Variants in KRT6B observed in about 807,000 individuals in gnomAD.
The protein encoded by KRT6B is keratin 6B, also known as keratin, type II cytoskeletal 6B.
Under a neutral mutation model 44.7 loss-of-function variants are expected in KRT6B, and 29 were observed. The ratio of observed to expected loss-of-function variants is 0.65; its 90% CI spans 0.48 to 0.88. KRT6B has a LOEUF of 0.88. Among genes scored for constraint, KRT6B ranks in the 40% least tolerant of loss-of-function variants. The probability of loss-of-function intolerance (pLI) is 0.00; values close to 1 mark genes in which losing one functional copy is unlikely to be tolerated. For synonymous variants in KRT6B, 213 were observed against 296.0 expected, an observed-to-expected ratio of 0.72 and a Z score of 2.88; for missense variants, 600 against 724.0, an observed-to-expected ratio of 0.83 and a Z score of 1.97.
In KRT6B at chr12:52,447,383, C is replaced by T. The variant is rs1440135830; in HGVS notation, c.1502G>A (p.Ser501Asn). The T allele has an allele frequency of 1.2e-6, 2 of 1,613,916 alleles. No individual in the cohort carries two copies. Among genetic ancestry groups the T allele is most frequent in the Non-Finnish European group, 1.7e-6 (2 of 1,179,868 alleles). ...STVSSGYGGA[S>N]GVGSGLGLGG... ...CAGGCCTAAGCCACTGCCGACACCG[C>T]TGGCACCGCCATAGCCACTGGAGAC... Residue 501 changes from serine (S) to asparagine (N), a missense_variant, in exon 9 of 9, where the codon AGC becomes AAC. This residue lies in a region of KRT6B where 479 missense variants were observed against 454.2 expected (regional missense o/e 1.05). Coordinates refer to ENST00000252252, the MANE Select transcript of KRT6B (RefSeq NM_005555.4).
At chr12:52,450,341 A>G in intron 2 of KRT6B, 65 bp downstream of exon 2, 1 of 1,569,294 alleles carries the variant, frequency 6.4e-7, no homozygotes, top group Non-Finnish European at 8.8e-7. Context: ...TAGGAATCCT[A>G]CACACATCTG....
chr12:52,451,790 C>T lies in KRT6B; in HGVS notation c.289G>A (p.Gly97Arg), dbSNP rs144860693. 0.19 allele frequency: 300,389 copies of T among 1,601,476 alleles called. 37 individuals carry two copies. Among genetic ancestry groups the T allele is most frequent in the Admixed American group, 0.26 (15,676 of 59,350 alleles). The change falls in exon 1 of 9, where the codon GGG becomes AGG. Residue 97 changes from glycine to arginine, a missense_variant. Transcript: ENST00000252252. ...CCACCACCGAAACCAAATCCACTCCCGGCGCCACCAAAGCCATAGCTGCCT... is the reference window on the plus strand; with the variant it reads ...CCACCACCGAAACCAAATCCACTCCTGGCGCCACCAAAGCCATAGCTGCCT... ...AGGSYGFGGA[G>R]SGFGFGGGAG...
In KRT6B at chr12:52,447,391, G is replaced by A. The variant is rs147867894; in HGVS notation, c.1494C>T (p.Gly498=). ...VVQSTVSSGY[G]GASGVGSGLG... ...AGCCACTGCCGACACCGCTGGCACC[G>A]CCATAGCCACTGGAGACGGTGGACT... Residue 498 remains glycine, a synonymous_variant, in exon 9 of 9, where the codon GGC becomes GGT. Coordinates refer to ENST00000252252, the MANE Select transcript of KRT6B (RefSeq NM_005555.4). The A allele has an allele frequency of 2.1e-3, 3,395 of 1,614,012 alleles. 20 individuals carry two copies. The highest frequency in any genetic ancestry group is 2.4e-3 in the Non-Finnish European group (2,813 of 1,179,928).
rs148209422 is a variant in KRT6B, at chr12:52,447,292, G to T, written c.1593C>A (p.Ser531Arg). 8.3e-5 allele frequency: 134 copies of T among 1,614,016 alleles called. No individual in the cohort carries two copies. The African/African-American group carries it at 1.6e-3, about 20-fold the overall frequency. ...TGAGGCCACCCCCAGTGGCTCTGCC[G>T]CTGCTGGAACTAAAGCCGCCTCCAA... The part of the protein sequence containing the change: ...LGVGGGFSSS[S>R]GRATGGGLSS... Residue 531 changes from serine (S) to arginine (R), a missense_variant, in exon 9 of 9, where the codon AGC becomes AGA. Ser to Arg is a moderately radical substitution (Grantham distance 110). Coordinates refer to ENST00000252252, the MANE Select transcript of KRT6B (RefSeq NM_005555.4).
chr12:52,448,860 G>C lies in KRT6B; in HGVS notation c.1185C>G (p.Ile395Met). ...NRMIQRLRSE[I>M]DHVKKQCANL... ...ACCATACCTGCTTCTTGACGTGGTC[G>C]ATCTCAGATCTCAGCCTCTGGATCA... is the stretch of plus-strand genomic sequence containing the variant. The change falls in exon 6 of 9, where the codon ATC becomes ATG. Residue 395 changes from isoleucine (I) to methionine (M), a missense_variant. Ile to Met is a conservative substitution (Grantham distance 10, BLOSUM62 1). Around this residue, in one of 4 missense-constraint regions of KRT6B, gnomAD observed 479 missense variants for 454.2 expected, o/e 1.05. Coordinates refer to ENST00000252252, the MANE Select transcript of KRT6B (RefSeq NM_005555.4). 3 of 1,613,962 alleles carry C rather than the reference G, an allele frequency of 1.9e-6. No individual in the cohort carries two copies. Among genetic ancestry groups the C allele is most frequent in the Non-Finnish European group, 2.5e-6 (3 of 1,180,004 alleles).
chr12:52,446,818 GCT>G lies in KRT6B; in HGVS notation c.*370_*371del. ...TGTCAGATGAGAACTCCTGAGTGTA[GCT>G]ATAATGGGCAGGATGGTTAGCAATT... On this transcript the variant is annotated 3_prime_UTR_variant, in exon 9 of 9. Transcript: ENST00000252252. The G allele has an allele frequency of 3.2e-6, 1 of 315,778 alleles. No homozygotes were observed. Among genetic ancestry groups the G allele is most frequent in the South Asian group, 4.0e-5 (1 of 24,738 alleles). 19.6% of individuals were successfully genotyped at this position (315,778 alleles called of 1,614,324 possible). A position where few individuals can be genotyped will look rare whatever the true frequency, so the allele number is the denominator to read the frequency against.
intron 6 of KRT6B, among the ~76,000 whole-genome samples, chr12:52,448,410 C>T (rs141122266): frequency 6.6e-6 from 1 of 152,318 alleles, no homozygotes; most frequent in Non-Finnish European, 1.5e-5. Flanking sequence ...CCTCCTGCCT[C>T]ACATCCTCTC....
rs371788244 is a variant in KRT6B at position 52,449,832 on chromosome 12, T to C, written c.838A>G (p.Asn280Asp). ...GCCTTGGCTTGCAGTTCAACCTTGT[T>C]CATGTAGGCAGCATCCACATCCTGG... The part of the protein sequence containing the change: ...LKKDVDAAYM[N>D]KVELQAKADT... The change falls in exon 4 of 9, where the codon AAC becomes GAC. Residue 280 changes from asparagine to aspartate, a missense_variant. Around this residue, in one of 4 missense-constraint regions of KRT6B, gnomAD observed 479 missense variants for 454.2 expected, o/e 1.05. Transcript: ENST00000252252. The C allele has an allele frequency of 6.2e-7, 1 of 1,613,854 alleles. No individual in the cohort carries two copies. Among genetic ancestry groups the C allele is most frequent in the Non-Finnish European group, 8.5e-7 (1 of 1,179,898 alleles).
intron 4 of KRT6B, 38 bp downstream of exon 4, chr12:52,449,720 C>A: frequency 6.2e-7 from 1 of 1,614,064 alleles, no homozygotes; most frequent in Non-Finnish European, 8.5e-7. Flanking sequence ...CTTTGCAGAC[C>A]CCATCAGAGT....
Position 52,447,386 on chromosome 12 carries a change from G to A in KRT6B, c.1499C>T (p.Ala500Val), listed in dbSNP as rs1309691831. ...GCCTAAGCCACTGCCGACACCGCTG[G>A]CACCGCCATAGCCACTGGAGACGGT... is the stretch of plus-strand genomic sequence containing the variant. ...QSTVSSGYGG[A>V]SGVGSGLGLG... is the part of the protein sequence containing the mutation. Residue 500 changes from alanine to valine, a missense_variant, in exon 9 of 9, where the codon GCC (alanine) becomes GTC (valine). Transcript: ENST00000252252. The A allele has an allele frequency of 1.9e-6, 3 of 1,613,908 alleles. No individual in the cohort carries two copies. The highest frequency in any genetic ancestry group is 2.5e-6 in the Non-Finnish European group (3 of 1,179,880).
rs1415991625 is a variant in KRT6B, at chr12:52,447,015, A to C, written c.*175T>G. The C allele has an allele frequency of 5.5e-6, 4 of 726,428 alleles. No individual in the cohort carries two copies. Among genetic ancestry groups the C allele is most frequent in the East Asian group, 2.7e-5 (1 of 37,046 alleles). The allele number at this position is 726,428 out of a possible 1,614,324, so 45.0% of individuals were successfully genotyped here. A position where few individuals can be genotyped will look rare whatever the true frequency, so the allele number is the denominator to read the frequency against. On this transcript the variant is annotated 3_prime_UTR_variant, in exon 9 of 9. Coordinates refer to ENST00000252252, the MANE Select transcript of KRT6B (RefSeq NM_005555.4). ...GCTGATAACTGTTGACTTGATGGTAAGCAACAGGAGCTCAGTGGAACAGGT... is the reference window on the plus strand; with the variant it reads ...GCTGATAACTGTTGACTTGATGGTACGCAACAGGAGCTCAGTGGAACAGGT...
At chr12:52,449,441 C>T (rs369275571) in intron 5 of KRT6B, 28 bp downstream of exon 5, 39 of 1,614,052 alleles carry the variant, frequency 2.4e-5, no homozygotes, top group Middle Eastern at 3.3e-4. Context: ...CACAAGGATT[C>T]CTCAGCGGCT....
In KRT6B at chr12:52,449,594, C is replaced by T. The variant is rs771115384; in HGVS notation, c.952G>A (p.Val318Met). ...QMQTHISDTS[V>M]VLSMDNNRNL... ...CGGTTGTTGTCCATGGATAGCACCACGGATGTGTCTGAGATGTGGGTCTGC... is the reference window on the plus strand; with the variant it reads ...CGGTTGTTGTCCATGGATAGCACCATGGATGTGTCTGAGATGTGGGTCTGC... Residue 318 changes from valine (V) to methionine (M), a missense_variant, in exon 5 of 9, where the codon GTG becomes ATG. Around this residue, in one of 4 missense-constraint regions of KRT6B, gnomAD observed 479 missense variants for 454.2 expected, o/e 1.05. Coordinates refer to ENST00000252252, the MANE Select transcript of KRT6B (RefSeq NM_005555.4). 8.7e-6 allele frequency: 14 copies of T among 1,614,096 alleles called. No individual in the cohort carries two copies. The highest frequency in any genetic ancestry group is 8.3e-5 in the Admixed American group (5 of 60,010).
chr12:52,449,353 G>A lies in KRT6B; in HGVS notation c.1077+116C>T, dbSNP rs1457777737. On this transcript the variant is annotated intron_variant, in intron 5 of 8. Transcript: ENST00000252252. ...TCTACTCTAATAGTGCAGAGTGCAT[G>A]TCCTGTGAGAGGACCCCAGCTTCCT... The A allele has an allele frequency of 2.4e-5, 35 of 1,453,198 alleles. No homozygotes were observed. The East Asian group carries it at 4.5e-4, about 19-fold the overall frequency. 90.0% of individuals were successfully genotyped at this position (1,453,198 alleles called of 1,614,324 possible). A position where few individuals can be genotyped will look rare whatever the true frequency, so the allele number is the denominator to read the frequency against.
rs775438004 is a variant in KRT6B, at chr12:52,451,918, G to C, written c.161C>G (p.Ala54Gly). 6.2e-7 allele frequency: 1 copy of C among 1,612,750 alleles called. No individual in the cohort carries two copies. The highest frequency in any genetic ancestry group is 8.5e-7 in the Non-Finnish European group (1 of 1,179,882). Residue 54 changes from alanine to glycine, a missense_variant, in exon 1 of 9, where the codon GCT becomes GGT. Physicochemically the swap from Ala to Gly is moderately conservative, Grantham distance 60. This residue lies in a region of KRT6B where 78 missense variants were observed against 97.5 expected (regional missense o/e 0.80). Transcript: ENST00000252252. ...ATACAGACTGCGGCTGCCAAAGCCA[G>C]CTCCTCCACATGCGCCACCCAGGCC... ...SGGLGGACGGAGFGSRSLYGL... is the reference protein window; with the variant it reads ...SGGLGGACGGGGFGSRSLYGL...
At chr12:52,451,478 G>T (rs1023134072) in intron 1 of KRT6B, 61 bp downstream of exon 1, 10 of 1,613,038 alleles carry the variant, frequency 6.2e-6, no homozygotes, top group Non-Finnish European at 8.5e-6. Flanking sequence ...CGGCAGGAAG[G>T]TGTTGCTCTT....
At chr12:52,451,431 G>C (rs1016487493) in intron 1 of KRT6B, 108 bp downstream of exon 1, 22 of 1,604,534 alleles carry the variant, frequency 1.4e-5, no homozygotes, top group Non-Finnish European at 1.9e-5. Flanking sequence ...TGCAGAGCTG[G>C]GCTGAGTCCC....
intron 3 of KRT6B, 28 bp from the exon 4 acceptor site, chr12:52,449,881 TGCCTGAGCTC>T (rs1457195688): frequency 3.1e-6 from 5 of 1,611,950 alleles, no homozygotes; most frequent in Non-Finnish European, 4.2e-6. Context: ...AACCTGGAGT[TGCCTGAGCTC>T]ACCTTTCCAA....
intron 5 of KRT6B, 142 bp downstream of exon 5, chr12:52,449,327 G>A: frequency 7.5e-7 from 1 of 1,336,234 alleles, no homozygotes; most frequent in Non-Finnish European, 1.1e-6. Context: ...TTCCGCAAAT[G>A]TCTACTCTAA....
Sources: gnomAD v4.1 joint callset for allele counts (sites outside exome capture counted in the v4.1 genomes callset) on GRCh38, gnomAD v4.1.1 for gene constraint, gnomAD v4.1.1 regional missense constraint, MANE v1.5 for transcripts, NCBI Gene and HGNC (gene_info 2026-07-23, HGNC 2026-07-21) for gene names.